The following PCDH9 variants were observed in gnomAD, a reference collection of about 807,000 sequenced individuals.
The protein encoded by PCDH9 is protocadherin 9.
Under a neutral mutation model 70.6 loss-of-function variants are expected in PCDH9, and 24 were observed. The ratio of observed to expected loss-of-function variants is 0.34; its 90% CI spans 0.25 to 0.48. The LOEUF (loss-of-function observed/expected upper bound fraction) is 0.48. Ranked by LOEUF, PCDH9 falls within the 20% of genes least tolerant of loss-of-function variation. The pLI is 0.99. For missense variants in PCDH9, 1,281 were observed against 1,503.6 expected (o/e 0.85, Z 2.45); for synonymous variants, 562 against 558.5 (o/e 1.01, Z -0.09).
At chr13:67,044,456 C>T (rs1224217111) in intron 2 of PCDH9, among the ~76,000 whole-genome samples, 1 of 152,132 alleles carries the variant, frequency 6.6e-6, no homozygotes, top group Non-Finnish European at 1.5e-5. Flanking sequence ...ATTGCATTTC[C>T]TACACATATG....
At chr13:66,461,683 T>C (rs1958428356) in intron 4 of PCDH9, among the ~76,000 whole-genome samples, 2 of 151,856 alleles carry the variant, frequency 1.3e-5, no homozygotes, top group Admixed American at 6.6e-5. Flanking sequence ...TGTATATGTA[T>C]AGTCCTTTTG....
intron 4 of PCDH9, among the ~76,000 whole-genome samples, chr13:66,531,753 C>T (rs1237969514): frequency 2.6e-5 from 4 of 152,096 alleles, no homozygotes; most frequent in African/African-American, 9.7e-5. Flanking sequence ...TTTTAAGATA[C>T]TGCTCATACA....
intron 2 of PCDH9, among the ~76,000 whole-genome samples, chr13:66,980,165 T>TG (rs2083712954): frequency 1.3e-5 from 2 of 152,186 alleles, no homozygotes; most frequent in East Asian, 1.9e-4. Flanking sequence ...ACTTGTTCCT[T>TG]ATTTCACTTC....
chr13:66,517,274 T>G lies in PCDH9; in HGVS notation c.3340+113936A>C, dbSNP rs570552157. On this transcript the variant is annotated intron_variant, in intron 4 of 4. Transcript: ENST00000377865. ...AGGGACATATTGGACACTTTGTAAC[T>G]GACCGATTTATTAAATCATTGCAGA... Among the ~76,000 whole-genome samples the G allele has an allele frequency of 3.3e-5, 5 of 152,298 alleles. No individual in the cohort carries two copies. The South Asian group carries it at 1.0e-3, about 32-fold the overall frequency.
At chr13:66,997,703 T>G (rs1439806152) in intron 2 of PCDH9, among the ~76,000 whole-genome samples, 1 of 152,022 alleles carries the variant, frequency 6.6e-6, no homozygotes, top group African/African-American at 2.4e-5. Flanking sequence ...CCTAGCTAAT[T>G]TTTGTATTTT....
intron 3 of PCDH9, among the ~76,000 whole-genome samples, chr13:66,744,707 A>C (rs2079331594): frequency 6.6e-6 from 1 of 152,188 alleles, no homozygotes; most frequent in South Asian, 2.1e-4. Flanking sequence ...CAGGTATAAA[A>C]AATGAATATG....
intron 3 of PCDH9, among the ~76,000 whole-genome samples, chr13:66,820,240 A>G (rs1207121699): frequency 6.6e-6 from 1 of 152,162 alleles, no homozygotes; most frequent in Non-Finnish European, 1.5e-5. Flanking sequence ...TACACTATGC[A>G]CTGTATTAAA....
At chr13:66,690,268 A>G (rs902264078) in intron 3 of PCDH9, among the ~76,000 whole-genome samples, 6 of 152,184 alleles carry the variant, frequency 3.9e-5, no homozygotes, top group African/African-American at 1.4e-4. Context: ...GGTAGGTGAC[A>G]TAAGTTCCTT....
rs56207174 is a variant in PCDH9, at chr13:67,164,574, CAAAA to C, written c.3036+60827_3036+60830del. ...GTGTGACAGAGCCAGACTCCATCTC[CAAAA>C]AAAAAAAAAAAAGAAAAAAAAGAAA... On this transcript the variant is annotated intron_variant, in intron 2 of 4. Coordinates refer to ENST00000377865, the MANE Select transcript of PCDH9 (RefSeq NM_203487.3). Among the ~76,000 whole-genome samples, 1,254 of 137,094 alleles carry C rather than the reference CAAAA, an allele frequency of 9.1e-3. 13 individuals carry two copies. The highest frequency in any genetic ancestry group is 0.025 in the African/African-American group (934 of 36,802). The allele number at this position is 137,094 out of a possible 152,430, so 89.9% of individuals were successfully genotyped here.
At chr13:66,475,644 G>T (rs1351407403) in intron 4 of PCDH9, among the ~76,000 whole-genome samples, 1 of 151,940 alleles carries the variant, frequency 6.6e-6, no homozygotes, top group African/African-American at 2.4e-5. Context: ...AAAAGAGAAT[G>T]CAATAAACAT....
chr13:66,490,465 A>T (rs1468316840), intron 4 of PCDH9, among the ~76,000 whole-genome samples: 1 of 152,156 alleles, frequency 6.6e-6, no homozygotes, highest in Non-Finnish European at 1.5e-5. Context: ...CAGATAACTA[A>T]AGTGGAAAGA....
intron 2 of PCDH9, among the ~76,000 whole-genome samples, chr13:67,068,137 TTAA>T (rs1014567825): frequency 2.0e-5 from 3 of 152,106 alleles, no homozygotes; most frequent in Non-Finnish European, 4.4e-5. Context: ...AGCAATAGTG[TTAA>T]TAAGATCAGC....
At chr13:66,782,144 T>C (rs2139300496) in intron 3 of PCDH9, among the ~76,000 whole-genome samples, 1 of 152,224 alleles carries the variant, frequency 6.6e-6, no homozygotes, top group East Asian at 1.9e-4. Context: ...CCACTCTATC[T>C]CCTCTGCCAA....
intron 3 of PCDH9, among the ~76,000 whole-genome samples, chr13:66,635,001 A>C (rs1001059350): frequency 6.6e-6 from 1 of 152,126 alleles, no homozygotes; most frequent in Non-Finnish European, 1.5e-5. Flanking sequence ...CTTCCAGTAC[A>C]TATATAATGG....
intron 4 of PCDH9, among the ~76,000 whole-genome samples, chr13:66,445,539 T>A (rs919191145): frequency 1.4e-5 from 2 of 142,326 alleles, no homozygotes; most frequent in East Asian, 2.0e-4. Flanking sequence ...CACATATATA[T>A]TATATATACA....
At chr13:66,361,199 G>A (rs1194481930) in intron 4 of PCDH9, among the ~76,000 whole-genome samples, 1 of 152,086 alleles carries the variant, frequency 6.6e-6, no homozygotes, top group Non-Finnish European at 1.5e-5. Flanking sequence ...AGGAAGAGTT[G>A]TGCACTAATC....
chr13:66,384,066 C>T (rs1488159029), intron 4 of PCDH9, among the ~76,000 whole-genome samples: 2 of 151,912 alleles, frequency 1.3e-5, no homozygotes, highest in South Asian at 2.1e-4. Flanking sequence ...AAATAATTAA[C>T]ATATTAGTCA....
At chr13:66,860,728 A>G (rs1239798391) in intron 3 of PCDH9, among the ~76,000 whole-genome samples, 1 of 152,178 alleles carries the variant, frequency 6.6e-6, no homozygotes, top group Non-Finnish European at 1.5e-5. Context: ...TCTTCCTGCT[A>G]AGTACTTTAC....
chr13:66,557,269 T>C (rs1199435706), intron 4 of PCDH9, among the ~76,000 whole-genome samples: 6 of 152,204 alleles, frequency 3.9e-5, no homozygotes, highest in Non-Finnish European at 8.8e-5. Context: ...CTGGTAATTA[T>C]GTATCAGTTA....
Sources: allele counts gnomAD v4.1 joint callset (sites outside exome capture counted in the v4.1 genomes callset), GRCh38; gene constraint gnomAD v4.1.1; transcripts MANE v1.5; gene names NCBI Gene and HGNC (gene_info 2026-07-23, HGNC 2026-07-21).